The following PRKDC variants were observed in gnomAD, a reference collection of about 807,000 sequenced individuals.
PRKDC encodes the protein protein kinase, DNA-activated, catalytic subunit.
In PRKDC, 82 loss-of-function variants were observed where a neutral mutation model predicts 486.9. That is an observed-to-expected ratio of 0.17 (90% CI 0.14 to 0.20). The LOEUF (loss-of-function observed/expected upper bound fraction) is 0.20. Among genes scored for constraint, PRKDC ranks in the 10% least tolerant of loss-of-function variants. PRKDC has a pLI of 1.00. For synonymous variants in PRKDC, 1,895 were observed against 1,837.0 expected, an observed-to-expected ratio of 1.03 and a Z score of -0.81; for missense variants, 4,504 against 5,038.2, an observed-to-expected ratio of 0.89 and a Z score of 3.21.
rs2086655779 is a variant in PRKDC, at chr8:47,779,056, G to A, written c.11527C>T (p.Leu3843=). ...TCATGTTTTCCTGACATTTTTGTCAGCCAATCTTTATATTCACACGGCGGT... is the reference window on the plus strand; with the variant it reads ...TCATGTTTTCCTGACATTTTTGTCAACCAATCTTTATATTCACACGGCGGT... ...RAPPCEYKDW[L]TKMSGKHDVG... is the part of the protein sequence containing the mutation. The change falls in exon 81 of 86, where the codon CTG becomes TTG. Residue 3843 remains leucine (L), a synonymous_variant. Transcript: ENST00000314191. 6.2e-7 allele frequency: 1 copy of A among 1,602,012 alleles called. No homozygotes were observed. Among genetic ancestry groups the A allele is most frequent in the East Asian group, 2.2e-5 (1 of 44,738 alleles).
At chr8:47,882,488 T>C (rs1445064912) in intron 36 of PRKDC, among the ~76,000 whole-genome samples, 2 of 152,060 alleles carry the variant, frequency 1.3e-5, no homozygotes, top group Non-Finnish European at 2.9e-5. Context: ...CCACCACCAC[T>C]GTACATGCAT....
intron 16 of PRKDC, among the ~76,000 whole-genome samples, chr8:47,932,521 C>A (rs188163096): frequency 1.4e-4 from 21 of 152,130 alleles, no homozygotes; most frequent in Non-Finnish European, 2.4e-4. Flanking sequence ...CAGGCCTAAG[C>A]CATGACTTAT....
rs764301954 is a variant in PRKDC at position 47,777,882 on chromosome 8, A to G, written c.11854-8T>C. On this transcript the variant is annotated splice_polypyrimidine_tract_variant and splice_region_variant and intron_variant, in intron 83 of 85. Transcript: ENST00000314191. ...CTCAGGGACTGGCAGAAACTAAACA[A>G]GAAAAAAGGCAAGGAGCAGAATATG... is the stretch of plus-strand genomic sequence containing the variant. 24 of 1,612,874 alleles carry G rather than the reference A, an allele frequency of 1.5e-5. No individual in the cohort carries two copies. Among genetic ancestry groups the G allele is most frequent in the Admixed American group, 5.0e-5 (3 of 59,694 alleles).
At chr8:47,890,155 T>C in intron 32 of PRKDC, 102 bp downstream of exon 32, 2 of 471,184 alleles carry the variant, frequency 4.2e-6, no homozygotes, top group Non-Finnish European at 6.7e-6. Context: ...ATAATAATAA[T>C]AATGATAAAT....
intron 31 of PRKDC, among the ~76,000 whole-genome samples, chr8:47,892,812 T>C (rs1463992759): frequency 6.6e-6 from 1 of 152,252 alleles, no homozygotes; most frequent in Non-Finnish European, 1.5e-5. Flanking sequence ...AAGCCAATGA[T>C]GCTGTACATA....
chr8:47,843,296 T>C (rs534426282), intron 54 of PRKDC, among the ~76,000 whole-genome samples: 2 of 151,880 alleles, frequency 1.3e-5, no homozygotes, highest in African/African-American at 4.8e-5. Flanking sequence ...AAGGAAAGAA[T>C]CTCAGAGCTT....
chr8:47,900,702 A>T lies in PRKDC; in HGVS notation c.3270-235T>A, dbSNP rs567206712. Reference sequence around the variant, plus strand: ...GTCTCTACTAAAAATACAAAAAATTAGCTGGGCGCGGTGGCAGGCGCCTGT... The same window carrying T: ...GTCTCTACTAAAAATACAAAAAATTTGCTGGGCGCGGTGGCAGGCGCCTGT... On this transcript the variant is annotated intron_variant, in intron 27 of 85. Coordinates refer to ENST00000314191, the MANE Select transcript of PRKDC (RefSeq NM_006904.7). Among the ~76,000 whole-genome samples, 4 of 152,098 alleles carry T rather than the reference A, an allele frequency of 2.6e-5. No individual in the cohort carries two copies. The South Asian group carries it at 8.3e-4, about 32-fold the overall frequency.
chr8:47,822,944 T>C (rs896140265), intron 64 of PRKDC, among the ~76,000 whole-genome samples: 2 of 152,148 alleles, frequency 1.3e-5, no homozygotes, highest in Admixed American at 6.5e-5. Flanking sequence ...CTGATGTAAT[T>C]TGAATATGTG....
At chr8:47,872,447 T>C (rs945466597) in intron 40 of PRKDC, among the ~76,000 whole-genome samples, 3 of 143,262 alleles carry the variant, frequency 2.1e-5, no homozygotes, top group Admixed American at 7.2e-5. Flanking sequence ...ACATTGAATG[T>C]AAATGGATTG....
intron 41 of PRKDC, among the ~76,000 whole-genome samples, chr8:47,864,333 G>A (rs2088752398): frequency 6.6e-6 from 1 of 152,166 alleles, no homozygotes; most frequent in Non-Finnish European, 1.5e-5. Context: ...CAGTGAAACT[G>A]ATTCTGGACT....
rs768923670 is a variant in PRKDC at position 47,799,383 on chromosome 8, G to A, written c.10124C>T (p.Ala3375Val). 53 of 1,545,408 alleles carry A rather than the reference G, an allele frequency of 3.4e-5. No individual in the cohort carries two copies. Among genetic ancestry groups the A allele is most frequent in the South Asian group, 9.8e-5 (8 of 81,872 alleles). The change falls in exon 72 of 86, where the codon GCG (alanine) becomes GTG (valine). Residue 3375 changes from alanine (A) to valine (V), a missense_variant. Around this residue, in one of 6 missense-constraint regions of PRKDC, gnomAD observed 1,592 missense variants for 1,724.6 expected, o/e 0.92. Transcript: ENST00000314191. ...CTGGAATGCTCTCTGGTACAGACCC[G>A]CGATCACCTGGAATTCACAGAGACC... ...SSSEDSEKVIAGLYQRAFQHL... is the reference protein window; with the variant it reads ...SSSEDSEKVIVGLYQRAFQHL...
At chr8:47,795,963 C>T (rs922916673) in intron 73 of PRKDC, among the ~76,000 whole-genome samples, 4 of 151,074 alleles carry the variant, frequency 2.6e-5, no homozygotes, top group Non-Finnish European at 5.9e-5. Context: ...GGCGCCATCT[C>T]GGCTCACTGC....
Position 47,774,438 on chromosome 8 carries a change from T to A in PRKDC, c.12183-61A>T, listed in dbSNP as rs904154342. On this transcript the variant is annotated intron_variant, in intron 85 of 85. Coordinates refer to ENST00000314191, the MANE Select transcript of PRKDC (RefSeq NM_006904.7). ...GTGTCATTGTCCTTTGTTGCCTGCA[T>A]CCCTAGTGATCCTATCCAAACACAT... The A allele has an allele frequency of 2.6e-5, 38 of 1,478,124 alleles. No individual in the cohort carries two copies. The Middle Eastern group carries it at 9.5e-4, about 37-fold the overall frequency. The allele number at this position is 1,478,124 out of a possible 1,614,324, so 91.6% of individuals were successfully genotyped here.
At chr8:47,865,125 C>T (rs1185982295) in intron 40 of PRKDC, among the ~76,000 whole-genome samples, 21 of 152,154 alleles carry the variant, frequency 1.4e-4, no homozygotes, top group African/African-American at 4.3e-4. Context: ...TGGTGGCTCA[C>T]GCCTGTAATC....
At chr8:47,826,544 A>T (rs2087741265) in intron 63 of PRKDC, 112 bp downstream of exon 63, 1 of 1,061,598 alleles carries the variant, frequency 9.4e-7, no homozygotes, top group Non-Finnish European at 1.3e-6. Context: ...ATTTCACATT[A>T]GTGTTACTAT....
chr8:47,875,050 A>G (rs2089061804), intron 40 of PRKDC, among the ~76,000 whole-genome samples: 1 of 152,152 alleles, frequency 6.6e-6, no homozygotes, highest in Non-Finnish European at 1.5e-5. Context: ...GTGACCTTGC[A>G]TCCAAAAAAA....
intron 44 of PRKDC, 76 bp from the exon 45 acceptor site, chr8:47,861,047 T>C (rs1007414023): frequency 1.0e-6 from 1 of 985,216 alleles, no homozygotes; most frequent in Non-Finnish European, 1.4e-6. Flanking sequence ...AGTAGCAATC[T>C]GGCAAAAAAA....
At chr8:47,881,389 C>A (rs762307574) in intron 38 of PRKDC, 27 bp downstream of exon 38, 1 of 1,284,686 alleles carries the variant, frequency 7.8e-7, no homozygotes, top group South Asian at 1.3e-5. Flanking sequence ...GAATGTAATC[C>A]AAAAAAATAA....
chr8:47,885,871 G>A (rs1301992567), intron 36 of PRKDC, 73 bp downstream of exon 36: 20 of 1,455,636 alleles, frequency 1.4e-5, no homozygotes, highest in East Asian at 1.1e-4. Context: ...CAGCCTGGGC[G>A]AAAGTGCAAG....
Sources: gnomAD v4.1 joint callset for allele counts (sites outside exome capture counted in the v4.1 genomes callset) on GRCh38, gnomAD v4.1.1 for gene constraint, gnomAD v4.1.1 regional missense constraint, MANE v1.5 for transcripts, NCBI Gene and HGNC (gene_info 2026-07-23, HGNC 2026-07-21) for gene names.